Variants in KCNJ15 observed in about 807,000 individuals in gnomAD.
KCNJ15 encodes potassium inwardly rectifying channel subfamily J member 15.
In KCNJ15, 14 loss-of-function variants were observed where a neutral mutation model predicts 23.0. That is an observed-to-expected ratio of 0.61 (90% CI 0.40 to 0.95). The LOEUF (loss-of-function observed/expected upper bound fraction) is 0.95, where lower values mean the gene tolerates loss of function less well. Among genes scored for constraint, KCNJ15 ranks in the 40% least tolerant of loss-of-function variants. KCNJ15 has a pLI of 0.00. For synonymous variants in KCNJ15, 185 were observed against 183.2 expected (o/e 1.01, Z -0.08); for missense variants, 388 against 461.8 (o/e 0.84, Z 1.46).
At chr21:38,244,291 C>A (rs948305662) in intron 1 of KCNJ15, among the ~76,000 whole-genome samples, 2 of 152,064 alleles carry the variant, frequency 1.3e-5, no homozygotes, top group African/African-American at 4.8e-5. Context: ...CCAGATTGTA[C>A]CTCCTTCTCT....
chr21:38,285,886 G>C (rs1307895350), intron 1 of KCNJ15, among the ~76,000 whole-genome samples: 1 of 152,164 alleles, frequency 6.6e-6, no homozygotes, highest in Non-Finnish European at 1.5e-5. Flanking sequence ...TTCCTGGTAA[G>C]AATTATCTTG....
At chr21:38,251,708 A>G (rs1287043939) in intron 1 of KCNJ15, among the ~76,000 whole-genome samples, 2 of 152,204 alleles carry the variant, frequency 1.3e-5, no homozygotes, top group Admixed American at 1.3e-4. Context: ...GAGGACACAC[A>G]GAGGAATAGC....
intron 1 of KCNJ15, chr21:38,272,464 T>A (rs13050229): frequency 0.38 from 57,850 of 151,942 alleles, 12,620 homozygotes; most frequent in African/African-American, 0.6. Context: ...TACACAGGCT[T>A]CCCCCTGCTG....
chr21:38,257,320 G>A (rs1453285688), intron 1 of KCNJ15, 135 bp downstream of exon 1: 1 of 152,270 alleles, frequency 6.6e-6, no homozygotes, highest in African/African-American at 2.4e-5. Flanking sequence ...TAAGACGCCC[G>A]TGCTTATCTG....
At chr21:38,260,454 C>T (rs766928830) in intron 1 of KCNJ15, among the ~76,000 whole-genome samples, 1 of 152,172 alleles carries the variant, frequency 6.6e-6, no homozygotes, top group Non-Finnish European at 1.5e-5. Flanking sequence ...GGGCATTGTG[C>T]CTCAACTAGA....
intron 1 of KCNJ15, among the ~76,000 whole-genome samples, chr21:38,251,400 A>G (rs1979824468): frequency 6.6e-6 from 1 of 152,212 alleles, no homozygotes. Context: ...GGTTCATGTC[A>G]GTGGTTGTTT....
rs529285200 is a variant in KCNJ15 at position 38,294,418 on chromosome 21, C to G, written c.-116-2508C>G. Among the ~76,000 whole-genome samples, 52 of 152,266 alleles carry G rather than the reference C, an allele frequency of 3.4e-4. 1 individual carries two copies. In the South Asian group the frequency reaches 0.011, roughly 31 times the overall value. ...CCCTGGTTAAAAGACGTGGAATGAGCTCGCTGAAGGCCTAGTTGAGGAACC... is the reference window on the plus strand; with the variant it reads ...CCCTGGTTAAAAGACGTGGAATGAGGTCGCTGAAGGCCTAGTTGAGGAACC... On this transcript the variant is annotated intron_variant, in intron 1 of 2. Transcript: ENST00000398938.
chr21:38,299,396 C>T lies in KCNJ15; in HGVS notation c.135C>T (p.Gly45=), dbSNP rs1444803481. 1.2e-6 allele frequency: 2 copies of T among 1,614,076 alleles called. No homozygotes were observed. The highest frequency in any genetic ancestry group is 3.3e-5 in the Admixed American group (2 of 60,000). The change falls in exon 3 of 3, where the codon GGC becomes GGT. Residue 45 remains glycine, a synonymous_variant. Transcript: ENST00000398938. The surrounding 1 kb of genome is among the most constrained non-coding windows in gnomAD (Gnocchi z 4.5). ...ACGTGAGAATTGACAAAGTGGATGG[C>T]ATATACCTACTCTACCTGCAAGACC... ...HSNVRIDKVD[G]IYLLYLQDLW...
intron 1 of KCNJ15, among the ~76,000 whole-genome samples, chr21:38,265,890 T>A (rs769010301): frequency 6.6e-6 from 1 of 152,216 alleles, no homozygotes; most frequent in African/African-American, 2.4e-5. Context: ...TAAGAGGCAC[T>A]GGGACATTTG....
chr21:38,265,969 T>A (rs1000734089), intron 1 of KCNJ15, among the ~76,000 whole-genome samples: 1 of 151,810 alleles, frequency 6.6e-6, no homozygotes, highest in African/African-American at 2.4e-5. Flanking sequence ...GCAGGAGGAG[T>A]TACCATGCAC....
chr21:38,285,677 T>G (rs1429067330), intron 1 of KCNJ15: 1 of 152,238 alleles, frequency 6.6e-6, no homozygotes, highest in Non-Finnish European at 1.5e-5. Context: ...GGCACCCAGC[T>G]GCTCAGGAAG....
rs116964914 is a variant in KCNJ15 at position 38,236,908 on chromosome 21, A to G, written c.-398-20138A>G. 3.7e-4 allele frequency among the ~76,000 whole-genome samples: 57 copies of G among 152,344 alleles called. No individual in the cohort carries two copies. In the East Asian group the frequency reaches 0.01, roughly 27 times the overall value. ...CAACTATAAGCGGCTGCACACATTC[A>G]GCTTGTTCTTCCTGACTGAAGGGTC... is the stretch of plus-strand genomic sequence containing the variant. On this transcript the variant is annotated intron_variant, in intron 1 of 4. Coordinates refer to the KCNJ15 transcript ENST00000547341.
At chr21:38,236,124 C>A (rs957124723) in intron 1 of KCNJ15, among the ~76,000 whole-genome samples, 1 of 152,212 alleles carries the variant, frequency 6.6e-6, no homozygotes, top group Non-Finnish European at 1.5e-5. Flanking sequence ...GGCTCTGCAT[C>A]CCAACCCCTC....
intron 1 of KCNJ15, among the ~76,000 whole-genome samples, chr21:38,288,018 GTTTTTTTCTTTGTTTT>G (rs1984103064): frequency 7.7e-5 from 2 of 26,018 alleles, no homozygotes; most frequent in Non-Finnish European, 2.0e-4. Flanking sequence ...TAAATAACTT[GTTTTTTTCTTTGTTTT>G]TTTTTTTTTT....
chr21:38,240,200 A>G (rs968549616), intron 1 of KCNJ15, among the ~76,000 whole-genome samples: 1 of 152,068 alleles, frequency 6.6e-6, no homozygotes, highest in East Asian at 1.9e-4. Flanking sequence ...ATAGACTCCC[A>G]TCGTAGCATT....
chr21:38,264,048 A>G (rs1981207345), intron 1 of KCNJ15, among the ~76,000 whole-genome samples: 2 of 152,216 alleles, frequency 1.3e-5, no homozygotes, highest in Non-Finnish European at 2.9e-5. Flanking sequence ...CCACAGTGCC[A>G]GAATCTTACT....
At chr21:38,295,371 A>G (rs546166804) in intron 1 of KCNJ15, among the ~76,000 whole-genome samples, 1 of 152,308 alleles carries the variant, frequency 6.6e-6, no homozygotes, top group African/African-American at 2.4e-5. Flanking sequence ...GATGAATCCA[A>G]TTTTTCCGAA....
Position 38,278,675 on chromosome 21 carries a change from G to C in KCNJ15, c.-116-18251G>C, listed in dbSNP as rs111970402. On this transcript the variant is annotated intron_variant, in intron 1 of 2. Coordinates refer to ENST00000398938, the MANE Select transcript of KCNJ15 (RefSeq NM_170736.3). ...AGAAAGGGTAACACCCCAAAGGATA[G>C]ACATGAGAACGCTGGCCAAGACAGG... Among the ~76,000 whole-genome samples the C allele has an allele frequency of 5.3e-5, 8 of 152,292 alleles. 1 individual carries two copies. Among genetic ancestry groups the C allele is most frequent in the African/African-American group, 1.9e-4 (8 of 41,576 alleles).
chr21:38,265,898 T>A (rs1048265041), intron 1 of KCNJ15, among the ~76,000 whole-genome samples: 1 of 152,062 alleles, frequency 6.6e-6, no homozygotes, highest in African/African-American at 2.4e-5. Context: ...ACTGGGACAT[T>A]TGAGATGTGC....
Sources: allele counts gnomAD v4.1 joint callset (sites outside exome capture counted in the v4.1 genomes callset), GRCh38; gene constraint gnomAD v4.1.1; non-coding constraint Gnocchi (gnomAD v3.1); transcripts MANE v1.5; gene names NCBI Gene and HGNC (gene_info 2026-07-23, HGNC 2026-07-21).